The following PCDH11X variants were observed in gnomAD, a reference collection of about 807,000 sequenced individuals.
PCDH11X encodes the protein protocadherin 11 X-linked.
A neutral mutation model predicts 53.3 loss-of-function variants in PCDH11X; 18 were observed. That is an observed-to-expected ratio of 0.34 (90% CI 0.23 to 0.50). PCDH11X has a LOEUF of 0.50. Among genes scored for constraint, PCDH11X ranks in the 20% least tolerant of loss-of-function variants. The pLI is 0.98. For missense variants in PCDH11X, 570 were observed against 1,032.4 expected (o/e 0.55, Z 6.14); for synonymous variants, 279 against 393.3 (o/e 0.71, Z 3.44).
intron 6 of PCDH11X, among the ~76,000 whole-genome samples, chrX:92,133,763 A>G (rs2065035538): frequency 8.9e-6 from 1 of 112,554 alleles, no homozygotes; most frequent in Admixed American, 9.5e-5. Flanking sequence ...CAAGAGGGAA[A>G]CAATACACAT....
rs188794012 is a variant in PCDH11X, at chrX:92,505,473, T to C, written c.3367+37151T>C. The stretch of plus-strand genomic sequence containing the variant: ...GAATAGGGAGTCTTTCCTCATTGCT[T>C]GTTTTTGTCAACTTTGTTGAAGATC... On this transcript the variant is annotated intron_variant, in intron 10 of 10. Transcript: ENST00000682573. Among the ~76,000 whole-genome samples the C allele has an allele frequency of 1.1e-4, 12 of 110,889 alleles. No homozygotes were observed. The East Asian group carries it at 3.4e-3, about 32-fold the overall frequency.
intron 6 of PCDH11X, among the ~76,000 whole-genome samples, chrX:92,072,996 C>T (rs929236770): frequency 1.8e-5 from 2 of 111,527 alleles, no homozygotes; most frequent in Non-Finnish European, 3.8e-5. Flanking sequence ...AGATTCCCCT[C>T]TGACTAGGGC....
intron 6 of PCDH11X, among the ~76,000 whole-genome samples, chrX:92,080,743 GA>G (rs1028520171): frequency 2.7e-5 from 3 of 110,765 alleles, no homozygotes; most frequent in African/African-American, 9.9e-5. Flanking sequence ...ATAAAGAAAT[GA>G]AGACCCAAAG....
chrX:92,573,662 T>A (rs1192559028), intron 10 of PCDH11X, among the ~76,000 whole-genome samples: 1 of 110,828 alleles, frequency 9.0e-6, no homozygotes, highest in Non-Finnish European at 1.9e-5. Context: ...ATTTTGTCTT[T>A]AAATTTTGCC....
rs757045963 is a variant in PCDH11X at position 92,331,279 on chromosome X, TTTCTTCTTC to T, written c.3145-56425_3145-56417del. ...TTCTTTCCACCTCCTCCTCCTCCTC[TTTCTTCTTC>T]TTCTTCTTCTTCTTCTTCTTCTTCT... On this transcript the variant is annotated intron_variant, in intron 8 of 10. Coordinates refer to ENST00000682573, the MANE Select transcript of PCDH11X (RefSeq NM_032968.5). Among the ~76,000 whole-genome samples the T allele has an allele frequency of 1.4e-3, 76 of 53,215 alleles. 1 individual carries two copies. The highest frequency in any genetic ancestry group is 4.2e-3 in the African/African-American group (57 of 13,689). The allele number at this position is 53,215 out of a possible 115,157, so 46.2% of individuals were successfully genotyped here.
rs1326550580 is a variant in PCDH11X, at chrX:91,810,487, G to A, written c.-195G>A. 2 of 111,806 alleles carry A rather than the reference G, an allele frequency of 1.8e-5. No homozygotes were observed. The highest frequency in any genetic ancestry group is 9.6e-5 in the Admixed American group (1 of 10,459). The allele number at this position is 111,806 out of a possible 1,213,427, so 9.2% of individuals were successfully genotyped here. On this transcript the variant is annotated 5_prime_UTR_variant, in exon 3 of 11. Coordinates refer to ENST00000682573, the MANE Select transcript of PCDH11X (RefSeq NM_032968.5). ...ACCCCTCATAGGAAAATCCTGTTGCGAATAAGAAGGATTCCACAGATCACA... is the reference window on the plus strand; with the variant it reads ...ACCCCTCATAGGAAAATCCTGTTGCAAATAAGAAGGATTCCACAGATCACA...
intron 9 of PCDH11X, among the ~76,000 whole-genome samples, chrX:92,394,491 C>T (rs752085982): frequency 9.0e-6 from 1 of 110,652 alleles, no homozygotes; most frequent in African/African-American, 3.3e-5. Context: ...AATAAACCTT[C>T]TCTTGCTTCT....
At chrX:92,181,597 C>T (rs978963288) in intron 6 of PCDH11X, among the ~76,000 whole-genome samples, 7 of 111,640 alleles carry the variant, frequency 6.3e-5, no homozygotes, top group Non-Finnish European at 9.4e-5. Context: ...AATGGTTTCA[C>T]GGGCCAGGCC....
chrX:92,046,399 G>T (rs1319135834), intron 6 of PCDH11X, among the ~76,000 whole-genome samples: 2 of 111,244 alleles, frequency 1.8e-5, no homozygotes, highest in Non-Finnish European at 3.8e-5. Context: ...TAATATAAAA[G>T]GGAAATGATA....
chrX:92,213,704 G>A (rs1325958100), intron 7 of PCDH11X, among the ~76,000 whole-genome samples: 3 of 111,469 alleles, frequency 2.7e-5, no homozygotes, highest in Admixed American at 1.9e-4. Context: ...TACACAGCAC[G>A]ACAGATGGGA....
intron 5 of PCDH11X, among the ~76,000 whole-genome samples, chrX:91,861,571 C>T (rs1938675051): frequency 9.1e-6 from 1 of 110,044 alleles, no homozygotes; most frequent in Non-Finnish European, 1.9e-5. Context: ...CTGTTTGGAG[C>T]CACAGGGATG....
chrX:91,789,069 C>G (rs1328374378), intron 1 of PCDH11X, among the ~76,000 whole-genome samples: 3 of 106,499 alleles, frequency 2.8e-5, no homozygotes, highest in African/African-American at 1.0e-4. Flanking sequence ...GGGCGTCTTG[C>G]TGCGCGCCTG....
At chrX:91,908,792 G>A (rs1941276783) in intron 6 of PCDH11X, among the ~76,000 whole-genome samples, 1 of 85,778 alleles carries the variant, frequency 1.2e-5, no homozygotes, top group African/African-American at 4.1e-5. Flanking sequence ...GTGACAGAGT[G>A]AGACTCTGTC....
rs1327349010 is a variant in PCDH11X, at chrX:91,878,758, C to T, written c.2518C>T (p.Pro840Ser). Reference sequence around the variant, plus strand: ...TGCTGTAGTAAGATGTCGCCAGGCACCACACCTTAAGGCTGCTCAGAAAAA... The same window carrying T: ...TGCTGTAGTAAGATGTCGCCAGGCATCACACCTTAAGGCTGCTCAGAAAAA... ...ITAVVRCRQAPHLKAAQKNKQ... is the reference protein window; with the variant it reads ...ITAVVRCRQASHLKAAQKNKQ... The change falls in exon 6 of 11, where the codon CCA becomes TCA. Residue 840 changes from proline to serine, a missense_variant. This residue lies in a region of PCDH11X where 226 missense variants were observed against 457.5 expected (regional missense o/e 0.49). Transcript: ENST00000682573. 3 of 1,208,343 alleles carry T rather than the reference C, an allele frequency of 2.5e-6. No individual in the cohort carries two copies. Among genetic ancestry groups the T allele is most frequent in the African/African-American group, 3.5e-5 (2 of 56,679 alleles).
intron 6 of PCDH11X, among the ~76,000 whole-genome samples, chrX:92,008,811 A>G (rs188881432): frequency 0.02 from 2,201 of 110,480 alleles, 26 homozygotes; most frequent in Non-Finnish European, 0.031. Flanking sequence ...TTTCATTATT[A>G]CTTATGAGTG....
intron 10 of PCDH11X, among the ~76,000 whole-genome samples, chrX:92,507,530 A>T (rs1193325391): frequency 9.0e-6 from 1 of 111,119 alleles, no homozygotes; most frequent in East Asian, 2.8e-4. Flanking sequence ...GATTTTTTTT[A>T]AATAAGATGC....
intron 6 of PCDH11X, among the ~76,000 whole-genome samples, chrX:92,183,233 A>T (rs1281593680): frequency 9.8e-6 from 1 of 102,475 alleles, no homozygotes; most frequent in Admixed American, 1.1e-4. Context: ...CTATTTGCAT[A>T]TCATCTAGAG....
At chrX:92,356,501 C>A (rs371233022) in intron 8 of PCDH11X, among the ~76,000 whole-genome samples, 1 of 69,932 alleles carries the variant, frequency 1.4e-5, no homozygotes, top group African/African-American at 5.0e-5. Context: ...AAATTAAAAA[C>A]CCATATACTC....
chrX:92,024,164 G>A (rs1196369068), intron 6 of PCDH11X, among the ~76,000 whole-genome samples: 1 of 110,648 alleles, frequency 9.0e-6, no homozygotes, highest in Non-Finnish European at 1.9e-5. Flanking sequence ...GTTCCAGCTG[G>A]GGAAATCAGG....
Sources: allele counts gnomAD v4.1 joint callset (sites outside exome capture counted in the v4.1 genomes callset), GRCh38; gene constraint gnomAD v4.1.1; regional missense constraint gnomAD v4.1.1; transcripts MANE v1.5; gene names NCBI Gene and HGNC (gene_info 2026-07-23, HGNC 2026-07-21).